The following RPTOR variants were observed in gnomAD, a reference collection of about 807,000 sequenced individuals.
The protein encoded by RPTOR is regulatory-associated protein of mTOR.
RPTOR carries 21 observed loss-of-function variants against 169.9 expected under a neutral mutation model. The observed-to-expected ratio is 0.12, with a 90% CI of 0.09 to 0.18. RPTOR has a LOEUF of 0.18. Among genes scored for constraint, RPTOR ranks in the 10% least tolerant of loss-of-function variants. The pLI is 1.00. For missense variants in RPTOR, 1,133 were observed against 1,855.9 expected, an observed-to-expected ratio of 0.61 and a Z score of 7.16; for synonymous variants, 732 against 753.2, an observed-to-expected ratio of 0.97 and a Z score of 0.46.
intron 23 of RPTOR, 95 bp downstream of exon 23, chr17:80,923,768 A>G (rs965875944): frequency 7.5e-6 from 10 of 1,328,268 alleles, no homozygotes; most frequent in African/African-American, 5.9e-5. Flanking sequence ...TCACATCACC[A>G]TGGGATGGGG....
chr17:80,663,157 C>T (rs1233091110), intron 3 of RPTOR, among the ~76,000 whole-genome samples: 1 of 152,178 alleles, frequency 6.6e-6, no homozygotes, highest in Non-Finnish European at 1.5e-5. Flanking sequence ...TGCTGGGTGT[C>T]CCGGAGCCTG....
At position 80,651,333 on chromosome 17, in the gene RPTOR, G is replaced by C. The variant is rs2065637490; in HGVS notation, c.348+7523G>C. Among the ~76,000 whole-genome samples, 1 of 152,206 alleles carries C rather than the reference G, an allele frequency of 6.6e-6. No homozygotes were observed. Among genetic ancestry groups the C allele is most frequent in the Non-Finnish European group, 1.5e-5 (1 of 68,036 alleles). ...GTAAAATCCTGCTCCAGCCAAATTG[G>C]AAAGTGCTGATCAAGGGGGAAACGA... On this transcript the variant is annotated intron_variant, in intron 3 of 33. Transcript: ENST00000306801. The surrounding 1 kb of genome is among the most constrained non-coding windows in gnomAD (Gnocchi z 4.1).
chr17:80,596,340 T>G (rs1310495073), intron 1 of RPTOR, among the ~76,000 whole-genome samples: 1 of 152,228 alleles, frequency 6.6e-6, no homozygotes, highest in Non-Finnish European at 1.5e-5. Flanking sequence ...TTAAACCTGT[T>G]GTAACACTGT....
intron 25 of RPTOR, among the ~76,000 whole-genome samples, chr17:80,943,763 G>A (rs918532315): frequency 1.3e-5 from 2 of 152,132 alleles, no homozygotes; most frequent in South Asian, 2.1e-4. Flanking sequence ...GTGAGGACAC[G>A]GTTAGTAAGA....
intron 6 of RPTOR, among the ~76,000 whole-genome samples, chr17:80,787,533 T>C (rs1332457876): frequency 1.3e-5 from 2 of 152,272 alleles, no homozygotes; most frequent in Non-Finnish European, 2.9e-5. Flanking sequence ...TTCTTATATA[T>C]TGAAAAGCAG....
In RPTOR at chr17:80,633,401, TCTCA is replaced by T. The variant is rs1488679950; in HGVS notation, c.265+7613_265+7616del. ...TCAGCCATGCGCCATCCTAACTTCC[TCTCA>T]CTCAGTCTGAAGCAGTTCCACAGGC... On this transcript the variant is annotated intron_variant, in intron 2 of 33. Coordinates refer to ENST00000306801, the MANE Select transcript of RPTOR (RefSeq NM_020761.3). This position sits in a 1 kb window ranked among gnomAD's most constrained non-coding sequence, Gnocchi z 4.1. 6.6e-6 allele frequency among the ~76,000 whole-genome samples: 1 copy of T among 152,228 alleles called. No homozygotes were observed. Among genetic ancestry groups the T allele is most frequent in the Non-Finnish European group, 1.5e-5 (1 of 68,042 alleles).
intron 3 of RPTOR, among the ~76,000 whole-genome samples, chr17:80,655,507 A>G (rs2065672578): frequency 6.6e-6 from 1 of 151,754 alleles, no homozygotes; most frequent in African/African-American, 2.4e-5. Flanking sequence ...GGCTCACGCT[A>G]TCCTCTTGCC....
chr17:80,555,788 G>A (rs2084400335), intron 1 of RPTOR, among the ~76,000 whole-genome samples: 1 of 152,170 alleles, frequency 6.6e-6, no homozygotes, highest in Admixed American at 6.5e-5. Flanking sequence ...TTGGTGATGG[G>A]GAGCTGTCCC....
intron 12 of RPTOR, among the ~76,000 whole-genome samples, chr17:80,855,777 G>C (rs763325290): frequency 6.6e-6 from 1 of 152,088 alleles, no homozygotes; most frequent in Non-Finnish European, 1.5e-5. Context: ...TGGGGTTGTC[G>C]CCCCTCTTTA....
chr17:80,928,037 C>T (rs1448547422), intron 24 of RPTOR, among the ~76,000 whole-genome samples: 55 of 152,124 alleles, frequency 3.6e-4, no homozygotes, highest in Admixed American at 3.6e-3. Flanking sequence ...TGATTGTCTT[C>T]CTCTGCCCCT....
At chr17:80,879,022 G>A (rs953449839) in intron 13 of RPTOR, among the ~76,000 whole-genome samples, 5 of 151,662 alleles carry the variant, frequency 3.3e-5, no homozygotes, top group Non-Finnish European at 5.9e-5. Flanking sequence ...AGCACCACCC[G>A]ATAAGCGGTG....
intron 1 of RPTOR, among the ~76,000 whole-genome samples, chr17:80,563,823 C>T (rs1378965742): frequency 1.3e-5 from 2 of 152,052 alleles, no homozygotes; most frequent in Non-Finnish European, 1.5e-5. Context: ...ATCCTCTGTG[C>T]CCCCAGTCGT....
chr17:80,769,258 A>T (rs1189085346), intron 6 of RPTOR, among the ~76,000 whole-genome samples: 1 of 152,234 alleles, frequency 6.6e-6, no homozygotes, highest in African/African-American at 2.4e-5. Flanking sequence ...AGGAGACGTT[A>T]GCCTCTTCTT....
intron 11 of RPTOR, among the ~76,000 whole-genome samples, chr17:80,853,373 G>A (rs951636881): frequency 6.6e-6 from 1 of 152,150 alleles, no homozygotes; most frequent in South Asian, 2.1e-4. Context: ...ATCTTCTCCT[G>A]GGGGGAGGGA....
At chr17:80,614,893 G>A (rs1471404127) in intron 1 of RPTOR, among the ~76,000 whole-genome samples, 2 of 152,196 alleles carry the variant, frequency 1.3e-5, no homozygotes, top group Non-Finnish European at 2.9e-5. Flanking sequence ...CCAGGACTTG[G>A]AGGAAACTGC....
intron 1 of RPTOR, among the ~76,000 whole-genome samples, chr17:80,564,208 G>A (rs993236587): frequency 3.9e-5 from 6 of 151,964 alleles, no homozygotes; most frequent in Admixed American, 6.6e-5. Context: ...AACTACAGGC[G>A]CCTGCCACCA....
intron 1 of RPTOR, among the ~76,000 whole-genome samples, chr17:80,595,468 C>A (rs2065137967): frequency 6.6e-6 from 1 of 152,128 alleles, no homozygotes; most frequent in Non-Finnish European, 1.5e-5. Flanking sequence ...GGTTTTTCCC[C>A]CCCCTTAGAT....
rs539356051 is a variant in RPTOR, at chr17:80,625,564, G to T, written c.163-127G>T. ...TGGGGTAGCCAGGTGACAGGCGGAG[G>T]ACTGGCTGGAGGGCAGGTGGGTAGG... On this transcript the variant is annotated intron_variant, in intron 1 of 33. Coordinates refer to ENST00000306801, the MANE Select transcript of RPTOR (RefSeq NM_020761.3). 4.3e-5 allele frequency: 30 copies of T among 691,572 alleles called. No homozygotes were observed. The South Asian group carries it at 4.7e-4, about 11-fold the overall frequency. 42.8% of individuals were successfully genotyped at this position (691,572 alleles called of 1,614,324 possible). A position where few individuals can be genotyped will look rare whatever the true frequency, so the allele number is the denominator to read the frequency against.
chr17:80,952,145 G>A (rs940462433), intron 28 of RPTOR, among the ~76,000 whole-genome samples: 13 of 152,224 alleles, frequency 8.5e-5, no homozygotes, highest in African/African-American at 3.1e-4. Context: ...ATCCAGAGCC[G>A]TGAATGCTGA....
Sources: gnomAD v4.1 joint callset for allele counts (sites outside exome capture counted in the v4.1 genomes callset) on GRCh38, gnomAD v4.1.1 for gene constraint, Gnocchi (gnomAD v3.1) non-coding constraint, MANE v1.5 for transcripts, NCBI Gene and HGNC (gene_info 2026-07-23, HGNC 2026-07-21) for gene names.